CHD6: variants seen among roughly 807,000 people sequenced by gnomAD.
CHD6 encodes ATP-dependent chromatin remodeler CHD6.
In CHD6, 50 loss-of-function variants were observed where a neutral mutation model predicts 276.9. The ratio of observed to expected loss-of-function variants is 0.18; its 90% confidence interval spans 0.14 to 0.23. The LOEUF is 0.23. Ranked by LOEUF, CHD6 falls within the 10% of genes least tolerant of loss-of-function variation. CHD6 has a pLI of 1.00. For synonymous variants in CHD6, 1,173 were observed against 1,229.3 expected, an observed-to-expected ratio of 0.95 and a Z score of 0.96; for missense variants, 2,564 against 3,365.8, an observed-to-expected ratio of 0.76 and a Z score of 5.89.
rs201411265 is a variant in CHD6, at chr20:41,455,848, C to T, written c.2961G>A (p.Thr987=). The T allele has an allele frequency of 2.4e-5, 39 of 1,610,804 alleles. No homozygotes were observed. In the East Asian group the frequency reaches 7.8e-4, roughly 32 times the overall value. ...CCTCAGACTGGATGGTGATGGTGTG[C>T]GTTCGCCTCTGCAGAATCTGGTCTA... ...EDIDQILQRR[T]HTITIQSEGK... is the part of the protein sequence containing the mutation. Residue 987 remains threonine (T), a synonymous_variant, in exon 19 of 37, where the codon ACG becomes ACA. Transcript: ENST00000373233.
At chr20:41,424,127 T>A (rs2047285823) in intron 29 of CHD6, among the ~76,000 whole-genome samples, 1 of 152,226 alleles carries the variant, frequency 6.6e-6, no homozygotes, top group Non-Finnish European at 1.5e-5. Flanking sequence ...GAAGGGATGT[T>A]CCAGACCATT....
At chr20:41,511,373 C>G (rs1340673816) in intron 5 of CHD6, among the ~76,000 whole-genome samples, 1 of 152,186 alleles carries the variant, frequency 6.6e-6, no homozygotes, top group Non-Finnish European at 1.5e-5. Flanking sequence ...CCTGCTTCTT[C>G]TCTTGCTTTT....
chr20:41,498,791 ATGTATGTATGTATGTATGTATGTGTGTG>A (rs1301634283), intron 6 of CHD6, among the ~76,000 whole-genome samples: 33 of 92,020 alleles, frequency 3.6e-4, no homozygotes, highest in African/African-American at 1.1e-3. Flanking sequence ...GTATGTATGT[ATGTATGTATGTATGTATGTATGTGTGTG>A]TGTGTGTGTG....
At chr20:41,447,757 C>T (rs909883) in intron 24 of CHD6, 125 bp downstream of exon 24, 173,644 of 545,564 alleles carry the variant, frequency 0.32, 33,829 homozygotes, top group African/African-American at 0.66. Context: ...TCTGGGACAC[C>T]GGTCCTGGGC....
intron 36 of CHD6, among the ~76,000 whole-genome samples, chr20:41,410,563 G>T (rs888149580): frequency 6.6e-6 from 1 of 152,218 alleles, no homozygotes; most frequent in African/African-American, 2.4e-5. Context: ...GGGTGCCCCT[G>T]TTCGGAAGGC....
rs945616495 is a variant in CHD6 at position 41,413,423 on chromosome 20, T to C, written c.7032A>G (p.Ala2344=). ...TGGATTTCTCGGCTTGGCTGCTGGC[T>C]GCCGTAGCTGGCTCAGGAGCCGAGG... ...PATSAPEPAT[A]ASSQAEKSIP... Residue 2344 remains alanine, a synonymous_variant, in exon 35 of 37, where the codon GCA becomes GCG. Transcript: ENST00000373233. 1.9e-6 allele frequency: 3 copies of C among 1,611,964 alleles called. No homozygotes were observed. The highest frequency in any genetic ancestry group is 2.5e-6 in the Non-Finnish European group (3 of 1,179,938).
intron 2 of CHD6, among the ~76,000 whole-genome samples, chr20:41,546,439 A>T (rs2045044730): frequency 1.3e-5 from 2 of 152,298 alleles, no homozygotes; most frequent in African/African-American, 4.8e-5. Context: ...ACTGTCTTCT[A>T]CACTGGATAT....
rs2042919817 is a variant in CHD6, at chr20:41,466,334, T to TC, written c.2664+6987dup. ...CAAATTTTTTCCACCTTATTTTTTT[T>TC]CCCCGCTTAACAATATATCCAGGGT... is the stretch of plus-strand genomic sequence containing the variant. On this transcript the variant is annotated intron_variant, in intron 17 of 36. Coordinates refer to ENST00000373233, the MANE Select transcript of CHD6 (RefSeq NM_032221.5). 2.0e-5 allele frequency among the ~76,000 whole-genome samples: 3 copies of TC among 152,190 alleles called. No homozygotes were observed. In the South Asian group the frequency reaches 6.2e-4, roughly 32 times the overall value.
In CHD6 at chr20:41,527,158, C is replaced by T. The variant is rs190075857; in HGVS notation, c.554+5892G>A. The stretch of plus-strand genomic sequence containing the variant: ...CTAGCTTTTAAAAGCAACATTCAGG[C>T]TGGGCACCATGGCTCATGCCTGTAA... On this transcript the variant is annotated intron_variant, in intron 3 of 36. Coordinates refer to ENST00000373233, the MANE Select transcript of CHD6 (RefSeq NM_032221.5). 5.9e-5 allele frequency among the ~76,000 whole-genome samples: 9 copies of T among 152,324 alleles called. No individual in the cohort carries two copies. In the East Asian group the frequency reaches 1.7e-3, roughly 29 times the overall value.
intron 1 of CHD6, among the ~76,000 whole-genome samples, chr20:41,571,389 A>ATTTTT (rs11373605): frequency 7.7e-6 from 1 of 129,962 alleles, no homozygotes; most frequent in African/African-American, 3.0e-5. Context: ...CTGGCCATTA[A>ATTTTT]TTTTTTTTTT....
Position 41,618,362 on chromosome 20 carries a change from C to T in CHD6, c.-46G>A, listed in dbSNP as rs1032186001. ...TACCTAAAATGGCTCCTGCAGCAGC[C>T]AAAATACAAACAGCTATTATTTGGT... On this transcript the variant is annotated 5_prime_UTR_variant, in exon 1 of 37. Transcript: ENST00000373233. 3.3e-5 allele frequency: 5 copies of T among 152,240 alleles called. No homozygotes were observed. Among genetic ancestry groups the T allele is most frequent in the African/African-American group, 1.2e-4 (5 of 41,542 alleles). The allele number at this position is 152,240 out of a possible 1,614,324, so 9.4% of individuals were successfully genotyped here.
chr20:41,505,049 T>C (rs917049172), intron 5 of CHD6, among the ~76,000 whole-genome samples: 2 of 152,204 alleles, frequency 1.3e-5, no homozygotes, highest in Admixed American at 1.3e-4. Context: ...CCTCTTATTT[T>C]ACTGTTTTTG....
intron 26 of CHD6, among the ~76,000 whole-genome samples, chr20:41,437,767 T>C (rs1454011548): frequency 6.6e-6 from 1 of 152,172 alleles, no homozygotes; most frequent in Non-Finnish European, 1.5e-5. Context: ...GAGTTCTGCA[T>C]CCACAGACAA....
At chr20:41,616,291 T>C (rs1016941949) in intron 1 of CHD6, among the ~76,000 whole-genome samples, 2 of 152,170 alleles carry the variant, frequency 1.3e-5, no homozygotes, top group African/African-American at 4.8e-5. Context: ...AATGATCATA[T>C]TGAAAGAGTT....
At chr20:41,430,833 G>A (rs993111592) in intron 27 of CHD6, among the ~76,000 whole-genome samples, 7 of 151,258 alleles carry the variant, frequency 4.6e-5, no homozygotes, top group Non-Finnish European at 7.4e-5. Context: ...ATAAACTAAG[G>A]ACTGGAACAG....
At position 41,451,808 on chromosome 20, in the gene CHD6, G is replaced by A. The variant is rs1352049565; in HGVS notation, c.3523+18C>T. The stretch of plus-strand genomic sequence containing the variant: ...CATGGGAATCGTGCTTCTTAGGCAT[G>A]GCCCTGCCACCTCTCACCTGAGTGG... On this transcript the variant is annotated intron_variant, in intron 22 of 36. Transcript: ENST00000373233. 2 of 1,612,002 alleles carry A rather than the reference G, an allele frequency of 1.2e-6. No individual in the cohort carries two copies. Among genetic ancestry groups the A allele is most frequent in the South Asian group, 2.2e-5 (2 of 91,030 alleles).
chr20:41,518,243 A>G (rs913601788), intron 3 of CHD6, among the ~76,000 whole-genome samples: 6 of 152,236 alleles, frequency 3.9e-5, no homozygotes, highest in Non-Finnish European at 8.8e-5. Flanking sequence ...CACTGTCTGT[A>G]TATGTTTAAC....
At chr20:41,597,449 C>T (rs2045729120) in intron 1 of CHD6, among the ~76,000 whole-genome samples, 1 of 152,150 alleles carries the variant, frequency 6.6e-6, no homozygotes, top group Admixed American at 6.5e-5. Context: ...GGCCTCCTAG[C>T]GCAAACTCCA....
chr20:41,499,181 C>T, intron 6 of CHD6, 114 bp downstream of exon 6: 1 of 719,520 alleles, frequency 1.4e-6, no homozygotes, highest in Non-Finnish European at 2.2e-6. Context: ...AATATTCTTG[C>T]CTAGCTCTCA....
Sources: gnomAD v4.1 joint callset for allele counts (sites outside exome capture counted in the v4.1 genomes callset) on GRCh38, gnomAD v4.1.1 for gene constraint, MANE v1.5 for transcripts, NCBI Gene and HGNC (gene_info 2026-07-23, HGNC 2026-07-21) for gene names.